Variants in RAD21 observed in about 807,000 individuals in gnomAD.
RAD21 encodes the protein RAD21 cohesin complex component.
RAD21 carries 18 observed loss-of-function variants against 71.5 expected under a neutral mutation model. The observed-to-expected ratio is 0.25, with a 90% CI of 0.17 to 0.37. RAD21 has a LOEUF of 0.37. Among genes scored for constraint, RAD21 ranks in the 10% least tolerant of loss-of-function variants. The probability of loss-of-function intolerance (pLI) is 1.00; values close to 1 mark genes in which losing one functional copy is unlikely to be tolerated. For missense variants in RAD21, 493 were observed against 769.1 expected, an observed-to-expected ratio of 0.64 and a Z score of 4.25; for synonymous variants, 248 against 254.0, an observed-to-expected ratio of 0.98 and a Z score of 0.22.
chr8:116,870,495 G>T (rs1411656945), intron 1 of RAD21, among the ~76,000 whole-genome samples: 1 of 152,160 alleles, frequency 6.6e-6, no homozygotes, highest in South Asian at 2.1e-4. Flanking sequence ...TTATTTTATA[G>T]ATTAAAACAT....
rs1563687984 is a variant in RAD21 at position 116,850,773 on chromosome 8, A to G, written c.1471-6T>C. 1.3e-6 allele frequency: 2 copies of G among 1,549,346 alleles called. No individual in the cohort carries two copies. Among genetic ancestry groups the G allele is most frequent in the African/African-American group, 1.4e-5 (1 of 73,266 alleles). ...ATCTGCTCTACCTGCTGAGGCTTAA[A>G]GCAATACAAATAAGACAATTTAAGA... On this transcript the variant is annotated splice_polypyrimidine_tract_variant and splice_region_variant and intron_variant, in intron 11 of 13. Coordinates refer to ENST00000297338, the MANE Select transcript of RAD21 (RefSeq NM_006265.3).
At chr8:116,866,859 G>T in intron 1 of RAD21, 98 bp from the exon 2 acceptor site, 1 of 732,676 alleles carries the variant, frequency 1.4e-6, no homozygotes, top group Non-Finnish European at 1.9e-6. Flanking sequence ...TCTTTAATAT[G>T]AAAACTATAA....
At chr8:116,852,525 A>G (rs1186861709) in intron 10 of RAD21, 24 bp downstream of exon 10, 1 of 1,569,068 alleles carries the variant, frequency 6.4e-7, no homozygotes, top group African/African-American at 1.4e-5. Flanking sequence ...AACTTCATCA[A>G]GGAACTATTC....
chr8:116,858,548 T>A (rs1812519334), intron 4 of RAD21, 90 bp from the exon 5 acceptor site: 1 of 973,162 alleles, frequency 1.0e-6, no homozygotes, highest in Admixed American at 2.4e-5. Flanking sequence ...ATTAAAAAAA[T>A]ATATATGTAT....
intron 1 of RAD21, among the ~76,000 whole-genome samples, chr8:116,872,273 C>A (rs1812838862): frequency 3.9e-5 from 6 of 151,998 alleles, no homozygotes; most frequent in Admixed American, 3.9e-4. Flanking sequence ...GAACCAATTC[C>A]CCTTTAATAT....
intron 1 of RAD21, among the ~76,000 whole-genome samples, chr8:116,867,892 T>C (rs1286990283): frequency 6.6e-6 from 1 of 152,260 alleles, no homozygotes; most frequent in South Asian, 2.1e-4. Flanking sequence ...CAGACTTTTA[T>C]ACCATTTTGT....
chr8:116,846,578 T>TA lies in RAD21; in HGVS notation c.*921dup, dbSNP rs1284937984. 8.7e-6 allele frequency: 2 copies of TA among 229,148 alleles called. No individual in the cohort carries two copies. The highest frequency in any genetic ancestry group is 1.7e-5 in the Non-Finnish European group (2 of 115,344). The allele number at this position is 229,148 out of a possible 1,614,324, so 14.2% of individuals were successfully genotyped here. A position where few individuals can be genotyped will look rare whatever the true frequency, so the allele number is the denominator to read the frequency against. On this transcript the variant is annotated 3_prime_UTR_variant, in exon 14 of 14. Transcript: ENST00000297338. ...TTACAATAAATATCAGAGAAGCCGT[T>TA]AGTTTTTACAGCATCGTCTGCTTAA...
chr8:116,874,374 TGATG>T (rs1441031727), intron 1 of RAD21: 1 of 168,686 alleles, frequency 5.9e-6, no homozygotes, highest in East Asian at 1.9e-4. Context: ...GAACAAGCGA[TGATG>T]CGGGCCCAAG....
rs770245458 is a variant in RAD21, at chr8:116,856,221, T to C, written c.882A>G (p.Thr294=). The stretch of plus-strand genomic sequence containing the variant: ...CTTCTTCCTCATTTGGAACAAGTGT[T>C]GTTTGATCAGTCATGGTTGGCATTG... ...VEPMPTMTDQ[T]TLVPNEEEAF... The change falls in exon 8 of 14, where the codon ACA becomes ACG. Residue 294 remains threonine, a synonymous_variant. Transcript: ENST00000297338. 2 of 1,608,622 alleles carry C rather than the reference T, an allele frequency of 1.2e-6. No individual in the cohort carries two copies. Among genetic ancestry groups the C allele is most frequent in the Non-Finnish European group, 8.5e-7 (1 of 1,177,690 alleles).
At position 116,858,363 on chromosome 8, in the gene RAD21, T is replaced by G; in HGVS notation, c.470A>C (p.Glu157Ala). The change falls in exon 5 of 14, where the codon GAA becomes GCA. Residue 157 changes from glutamate to alanine, a missense_variant. Coordinates refer to ENST00000297338, the MANE Select transcript of RAD21 (RefSeq NM_006265.3). ...EEVGNISILQENDFGDFGMDD... is the reference protein window; with the variant it reads ...EEVGNISILQANDFGDFGMDD... ...TGTTTCTCTTTTACCAAAATCATTT[T>G]CTTGTAAAATACTGATGTTCCCAAC... 2 of 1,606,164 alleles carry G rather than the reference T, an allele frequency of 1.2e-6. No individual in the cohort carries two copies. Among genetic ancestry groups the G allele is most frequent in the Non-Finnish European group, 1.7e-6 (2 of 1,173,506 alleles).
At chr8:116,859,745 C>T (rs888455452) in intron 4 of RAD21, among the ~76,000 whole-genome samples, 7 of 151,614 alleles carry the variant, frequency 4.6e-5, no homozygotes, top group Non-Finnish European at 1.0e-4. Flanking sequence ...AATAACCCTA[C>T]AATGGCTACT....
At chr8:116,849,388 G>GT (rs1335903353) in intron 12 of RAD21, 1 of 215,718 alleles carries the variant, frequency 4.6e-6, no homozygotes, top group Non-Finnish European at 9.0e-6. Context: ...TAAATCAACT[G>GT]TACCACTAAA....
intron 1 of RAD21, among the ~76,000 whole-genome samples, chr8:116,872,728 T>C (rs1812856199): frequency 6.6e-6 from 1 of 152,246 alleles, no homozygotes; most frequent in South Asian, 2.1e-4. Context: ...GGTTGAAATC[T>C]GGTGGTTTAC....
At chr8:116,872,066 A>G (rs1308504386) in intron 1 of RAD21, among the ~76,000 whole-genome samples, 9 of 150,312 alleles carry the variant, frequency 6.0e-5, no homozygotes, top group Admixed American at 2.0e-4. Context: ...AAATTGTTGG[A>G]GGGGGGGACA....
chr8:116,848,763 A>T, intron 13 of RAD21, 183 bp downstream of exon 13: 2 of 429,160 alleles, frequency 4.7e-6, no homozygotes, highest in South Asian at 1.4e-4. Context: ...AACTATAATA[A>T]AAAAAAAAAA....
intron 10 of RAD21, 110 bp downstream of exon 10, chr8:116,852,439 T>C: frequency 8.3e-7 from 1 of 1,201,588 alleles, no homozygotes; most frequent in South Asian, 1.7e-5. Context: ...TGCCCAAACA[T>C]TTGAGTATAT....
At chr8:116,869,084 AAC>A (rs781502526) in intron 1 of RAD21, among the ~76,000 whole-genome samples, 9 of 152,186 alleles carry the variant, frequency 5.9e-5, no homozygotes, top group Non-Finnish European at 7.3e-5. Flanking sequence ...ACACATCAAA[AAC>A]ACAACCCATG....
chr8:116,853,062 A>T (rs189617195), intron 9 of RAD21, among the ~76,000 whole-genome samples: 44 of 152,194 alleles, frequency 2.9e-4, no homozygotes, highest in African/African-American at 1.0e-3. Flanking sequence ...ACATATGGTA[A>T]CCTTATTAGC....
At position 116,874,614 on chromosome 8, in the gene RAD21, GCT is replaced by G. The variant is rs1415119047; in HGVS notation, c.-38_-37del. 2 of 350,792 alleles carry G rather than the reference GCT, an allele frequency of 5.7e-6. No homozygotes were observed. Among genetic ancestry groups the G allele is most frequent in the Non-Finnish European group, 1.1e-5 (2 of 179,926 alleles). The allele number at this position is 350,792 out of a possible 1,614,324, so 21.7% of individuals were successfully genotyped here. ...AGGGGTCGGCCGAGTCTCTTACCTT[GCT>G]CTCCGCTGGGAGTTGGGCGGGCTGG... On this transcript the variant is annotated 5_prime_UTR_variant, in exon 1 of 14. Coordinates refer to ENST00000297338, the MANE Select transcript of RAD21 (RefSeq NM_006265.3).
Sources: allele counts gnomAD v4.1 joint callset (sites outside exome capture counted in the v4.1 genomes callset), GRCh38; gene constraint gnomAD v4.1.1; transcripts MANE v1.5; gene names NCBI Gene and HGNC (gene_info 2026-07-23, HGNC 2026-07-21).